Variants in DKK2 observed in about 807,000 individuals in gnomAD.
DKK2 encodes dickkopf-related protein 2.
A neutral mutation model predicts 28.1 loss-of-function variants in DKK2; 11 were observed. That is an observed-to-expected ratio of 0.39 (90% CI 0.25 to 0.65). DKK2 has a LOEUF of 0.65. Among genes scored for constraint, DKK2 ranks in the 30% least tolerant of loss-of-function variants. The pLI, the probability that DKK2 is intolerant of heterozygous loss-of-function variation, is 0.47. For synonymous variants in DKK2, 135 were observed against 126.5 expected (o/e 1.07, Z -0.45); for missense variants, 326 against 335.5 (o/e 0.97, Z 0.22).
Position 107,000,069 on chromosome 4 carries a change from C to A in DKK2, c.222+35301G>T, listed in dbSNP as rs150134615. Among the ~76,000 whole-genome samples, 3 of 152,104 alleles carry A rather than the reference C, an allele frequency of 2.0e-5. No individual in the cohort carries two copies. In the East Asian group the frequency reaches 5.8e-4, roughly 30 times the overall value. ...ATGGGGTGATAAAATAGAATATAAACATTAAGAGGCCAGAATGTTTAAAAG... is the reference window on the plus strand; with the variant it reads ...ATGGGGTGATAAAATAGAATATAAAAATTAAGAGGCCAGAATGTTTAAAAG... On this transcript the variant is annotated intron_variant, in intron 1 of 3. Coordinates refer to ENST00000285311, the MANE Select transcript of DKK2 (RefSeq NM_014421.3).
rs1004619894 is a variant in DKK2 at position 106,997,685 on chromosome 4, C to T, written c.222+37685G>A. 5.9e-5 allele frequency among the ~76,000 whole-genome samples: 9 copies of T among 152,154 alleles called. No individual in the cohort carries two copies. The East Asian group carries it at 1.5e-3, about 26-fold the overall frequency. On this transcript the variant is annotated intron_variant, in intron 1 of 3. Coordinates refer to ENST00000285311, the MANE Select transcript of DKK2 (RefSeq NM_014421.3). ...AAAACATCCATGACAAAGGTCGTGG[C>T]GACTTAAATGCTGAATTTTCTTTTC... is the stretch of plus-strand genomic sequence containing the variant.
intron 1 of DKK2, among the ~76,000 whole-genome samples, chr4:106,984,458 G>A (rs931824241): frequency 1.3e-5 from 2 of 152,146 alleles, no homozygotes; most frequent in Non-Finnish European, 2.9e-5. Context: ...CCTGTGTCTG[G>A]TTTATTTCGC....
chr4:106,978,288 C>T (rs1452973304), intron 1 of DKK2, among the ~76,000 whole-genome samples: 1 of 152,182 alleles, frequency 6.6e-6, no homozygotes, highest in East Asian at 1.9e-4. Context: ...ACCTGCTGCT[C>T]TCTTCAGAGC....
At chr4:106,993,065 CA>C (rs1289566135) in intron 1 of DKK2, among the ~76,000 whole-genome samples, 1 of 152,224 alleles carries the variant, frequency 6.6e-6, no homozygotes, top group African/African-American at 2.4e-5. Flanking sequence ...CAAGTGTAGA[CA>C]AGTTTATTCA....
At chr4:106,924,836 T>C in intron 2 of DKK2, 136 bp from the exon 3 acceptor site, 2 of 852,148 alleles carry the variant, frequency 2.3e-6, no homozygotes, top group South Asian at 5.3e-5. Flanking sequence ...CATCCATTCA[T>C]TTACTTATTT....
At chr4:106,970,938 A>G (rs1177987874) in intron 1 of DKK2, among the ~76,000 whole-genome samples, 2 of 152,150 alleles carry the variant, frequency 1.3e-5, no homozygotes, top group Non-Finnish European at 2.9e-5. Context: ...ACATTTGGAA[A>G]CAGAAAAAAG....
chr4:107,017,173 C>A (rs941407577), intron 1 of DKK2, among the ~76,000 whole-genome samples: 2 of 151,932 alleles, frequency 1.3e-5, no homozygotes, highest in African/African-American at 4.8e-5. Flanking sequence ...ATAATGTAGT[C>A]CAGAATCAAT....
In DKK2 at chr4:106,922,312, T is replaced by C. The variant is rs955401049; in HGVS notation, c.*1642A>G. 5 of 152,152 alleles carry C rather than the reference T, an allele frequency of 3.3e-5. No homozygotes were observed. The highest frequency in any genetic ancestry group is 1.2e-4 in the African/African-American group (5 of 41,440). 9.4% of individuals were successfully genotyped at this position (152,152 alleles called of 1,614,324 possible). On this transcript the variant is annotated 3_prime_UTR_variant, in exon 4 of 4. Coordinates refer to ENST00000285311, the MANE Select transcript of DKK2 (RefSeq NM_014421.3). ...TAAAAGAAAACTAAAAAGTGAATTG[T>C]GGTCTACAAAAGTTTAAAGTCACGA...
At chr4:106,992,405 C>T (rs1312059062) in intron 1 of DKK2, among the ~76,000 whole-genome samples, 1 of 152,182 alleles carries the variant, frequency 6.6e-6, no homozygotes, top group Non-Finnish European at 1.5e-5. Flanking sequence ...CTTCTTCATG[C>T]CTGGCTGCCC....
At chr4:106,942,688 A>C in intron 1 of DKK2, among the ~76,000 whole-genome samples, 1 of 152,140 alleles carries the variant, frequency 6.6e-6, no homozygotes. Context: ...CAAACAAAAC[A>C]AATTAAATTT....
intron 1 of DKK2, among the ~76,000 whole-genome samples, chr4:106,935,232 C>G (rs111738243): frequency 1.3e-5 from 2 of 152,302 alleles, no homozygotes; most frequent in East Asian, 1.9e-4. Flanking sequence ...GAGTGCCAGA[C>G]AGTGGGCACA....
At chr4:107,008,953 C>G (rs953242042) in intron 1 of DKK2, among the ~76,000 whole-genome samples, 14 of 151,902 alleles carry the variant, frequency 9.2e-5, no homozygotes, top group African/African-American at 3.1e-4. Context: ...ATATCAGTTC[C>G]TTACTCTATG....
At chr4:106,964,063 C>T (rs1722731431) in intron 1 of DKK2, among the ~76,000 whole-genome samples, 1 of 152,140 alleles carries the variant, frequency 6.6e-6, no homozygotes, top group African/African-American at 2.4e-5. Context: ...TTTTTGGTTA[C>T]TATAGCTTTG....
intron 1 of DKK2, among the ~76,000 whole-genome samples, chr4:107,010,500 C>G (rs1206299960): frequency 1.3e-5 from 2 of 151,520 alleles, no homozygotes; most frequent in African/African-American, 2.4e-5. Context: ...ATTCCTACTT[C>G]TAGACAATAC....
At chr4:106,959,174 A>T (rs1448077335) in intron 1 of DKK2, among the ~76,000 whole-genome samples, 1 of 152,188 alleles carries the variant, frequency 6.6e-6, no homozygotes, top group East Asian at 1.9e-4. Flanking sequence ...GTCTAAAAAA[A>T]GATTTTATTT....
At chr4:107,003,508 G>A (rs1578374735) in intron 1 of DKK2, among the ~76,000 whole-genome samples, 1 of 152,224 alleles carries the variant, frequency 6.6e-6, no homozygotes, top group African/African-American at 2.4e-5. Flanking sequence ...AACCTCACCA[G>A]CATATACCTT....
chr4:107,027,942 C>CG (rs1299926528), intron 1 of DKK2, among the ~76,000 whole-genome samples: 3 of 151,730 alleles, frequency 2.0e-5, no homozygotes, highest in Admixed American at 6.6e-5. Flanking sequence ...TTAGTAGAGA[C>CG]GGGGTTTCAC....
At chr4:106,978,898 G>T (rs551544441) in intron 1 of DKK2, among the ~76,000 whole-genome samples, 1 of 152,040 alleles carries the variant, frequency 6.6e-6, no homozygotes, top group Non-Finnish European at 1.5e-5. Context: ...GTAGGCACCC[G>T]AGGGAATCTC....
chr4:107,003,747 A>T (rs1285682919), intron 1 of DKK2, among the ~76,000 whole-genome samples: 1 of 152,224 alleles, frequency 6.6e-6, no homozygotes, highest in Non-Finnish European at 1.5e-5. Flanking sequence ...AACCTGTCTC[A>T]GGACCGGGTC....
Sources: gnomAD v4.1 joint callset for allele counts (sites outside exome capture counted in the v4.1 genomes callset) on GRCh38, gnomAD v4.1.1 for gene constraint, MANE v1.5 for transcripts, NCBI Gene and HGNC (gene_info 2026-07-23, HGNC 2026-07-21) for gene names.